SENP6: variants seen among roughly 807,000 people sequenced by gnomAD.
SENP6 encodes sentrin-specific protease 6.
Under a neutral mutation model 134.5 loss-of-function variants are expected in SENP6, and 41 were observed. The ratio of observed to expected loss-of-function variants is 0.30; its 90% CI spans 0.24 to 0.40. The LOEUF (loss-of-function observed/expected upper bound fraction) is 0.40. Among genes scored for constraint, SENP6 ranks in the 10% least tolerant of loss-of-function variants. The pLI, the probability that SENP6 is intolerant of heterozygous loss-of-function variation, is 1.00. For synonymous variants in SENP6, 395 were observed against 429.8 expected (o/e 0.92, Z 1.00); for missense variants, 1,248 against 1,312.5 (o/e 0.95, Z 0.76).
chr6:75,704,697 C>T (rs1340146076), intron 19 of SENP6, among the ~76,000 whole-genome samples: 1 of 152,164 alleles, frequency 6.6e-6, no homozygotes, highest in Non-Finnish European at 1.5e-5. Flanking sequence ...CCTTCCCGTC[C>T]CACGAGGCCA....
intron 18 of SENP6, among the ~76,000 whole-genome samples, chr6:75,701,630 A>T: frequency 7.7e-6 from 1 of 129,844 alleles, no homozygotes; most frequent in East Asian, 2.5e-4. Context: ...AAGACAGTTT[A>T]ATCTTTTTTT....
intron 1 of SENP6, among the ~76,000 whole-genome samples, chr6:75,619,568 A>G (rs1267880994): frequency 1.3e-5 from 2 of 152,128 alleles, no homozygotes; most frequent in African/African-American, 2.4e-5. Context: ...TAATGCTGCT[A>G]TGAACATTGG....
chr6:75,652,357 T>A (rs1770934582), intron 7 of SENP6, among the ~76,000 whole-genome samples: 1 of 151,860 alleles, frequency 6.6e-6, no homozygotes, highest in Admixed American at 6.6e-5. Context: ...TTTAAATAAA[T>A]GTGCAGTGGC....
rs897240000 is a variant in SENP6 at position 75,699,711 on chromosome 6, A to T, written c.2288+2194A>T. On this transcript the variant is annotated intron_variant, in intron 18 of 23. Coordinates refer to ENST00000447266, the MANE Select transcript of SENP6 (RefSeq NM_015571.4). ...TGCCATGCTGCCCAGTCTGGTCTCA[A>T]ACTCCAGAGCCGAAGCGGTCCACCT... Among the ~76,000 whole-genome samples, 24 of 151,904 alleles carry T rather than the reference A, an allele frequency of 1.6e-4. 1 individual carries two copies.
intron 7 of SENP6, among the ~76,000 whole-genome samples, chr6:75,654,136 A>G (rs1222698246): frequency 6.6e-6 from 1 of 152,140 alleles, no homozygotes; most frequent in East Asian, 1.9e-4. Context: ...AGGTGAGGGG[A>G]TCATTTGAGC....
chr6:75,635,937 G>T (rs1769477246), intron 5 of SENP6, among the ~76,000 whole-genome samples: 1 of 151,974 alleles, frequency 6.6e-6, no homozygotes, highest in African/African-American at 2.4e-5. Context: ...CAATTTAGGT[G>T]ATTCATTTAC....
chr6:75,621,430 A>T (rs1768259416), intron 1 of SENP6, 102 bp from the exon 2 acceptor site: 1 of 723,530 alleles, frequency 1.4e-6, no homozygotes, highest in South Asian at 1.9e-5. Flanking sequence ...ACCAAATTAA[A>T]ACAAAATCTA....
Position 75,661,275 on chromosome 6 carries a change from C to A in SENP6, c.696+1868C>A, listed in dbSNP as rs148566722. Among the ~76,000 whole-genome samples the A allele has an allele frequency of 7.2e-5, 11 of 152,300 alleles. No individual in the cohort carries two copies. In the East Asian group the frequency reaches 1.9e-3, roughly 27 times the overall value. ...ACTCCCATCACCCCTGGTGTATTTA[C>A]CTGTTAGCTTAGTTTTTCTTTATGT... On this transcript the variant is annotated intron_variant, in intron 8 of 23. Transcript: ENST00000447266.
At chr6:75,624,322 A>G (rs1478844670) in intron 3 of SENP6, among the ~76,000 whole-genome samples, 2 of 152,158 alleles carry the variant, frequency 1.3e-5, no homozygotes, top group Non-Finnish European at 2.9e-5. Context: ...AATTCCACCT[A>G]TTGATGGATA....
At chr6:75,670,741 TTACTA>T (rs766774008) in intron 11 of SENP6, 21 bp downstream of exon 11, 5 of 1,457,662 alleles carry the variant, frequency 3.4e-6, no homozygotes, top group Non-Finnish European at 3.7e-6. Flanking sequence ...CTTAAGCTCT[TTACTA>T]TACCAATTAT....
chr6:75,617,675 T>A (rs1370896269), intron 1 of SENP6, among the ~76,000 whole-genome samples: 1 of 152,176 alleles, frequency 6.6e-6, no homozygotes, highest in African/African-American at 2.4e-5. Flanking sequence ...AATTTAACAT[T>A]TGTGTGATAG....
intron 6 of SENP6, among the ~76,000 whole-genome samples, chr6:75,640,970 T>C (rs552009975): frequency 6.6e-6 from 1 of 152,312 alleles, no homozygotes; most frequent in South Asian, 2.1e-4. Flanking sequence ...TTGTCAGCAT[T>C]CAAAGTCCCT....
intron 4 of SENP6, 152 bp downstream of exon 4, chr6:75,633,878 G>T: frequency 1.9e-6 from 1 of 521,210 alleles, no homozygotes; most frequent in Non-Finnish European, 3.2e-6. Context: ...TGGATTCTTT[G>T]CTTTGAATCT....
chr6:75,604,665 C>T (rs1183677666), intron 1 of SENP6, among the ~76,000 whole-genome samples: 1 of 151,766 alleles, frequency 6.6e-6, no homozygotes, highest in Non-Finnish European at 1.5e-5. Flanking sequence ...ATTTTAGTTC[C>T]TCATAACCAA....
intron 7 of SENP6, among the ~76,000 whole-genome samples, chr6:75,654,300 C>T (rs1029447390): frequency 3.9e-5 from 6 of 152,102 alleles, no homozygotes; most frequent in Non-Finnish European, 8.8e-5. Flanking sequence ...CATACCAAGT[C>T]GAGGAGGAAA....
intron 1 of SENP6, among the ~76,000 whole-genome samples, chr6:75,605,308 A>G (rs1430737380): frequency 1.3e-5 from 2 of 152,202 alleles, no homozygotes; most frequent in Non-Finnish European, 2.9e-5. Context: ...GAAGTGCATA[A>G]GAGAGTCAAG....
rs1258224874 is a variant in SENP6, at chr6:75,640,717, T to C, written c.479+13T>C. 3.4e-6 allele frequency: 5 copies of C among 1,474,868 alleles called. No homozygotes were observed. Among genetic ancestry groups the C allele is most frequent in the Non-Finnish European group, 4.6e-6 (5 of 1,093,480 alleles). The allele number at this position is 1,474,868 out of a possible 1,614,324, so 91.4% of individuals were successfully genotyped here. On this transcript the variant is annotated intron_variant, in intron 6 of 23. Coordinates refer to ENST00000447266, the MANE Select transcript of SENP6 (RefSeq NM_015571.4). ...ACCGAAAAGAAAGGTAAGCTTAATA[T>C]TGAAGAAATTAGAGCATGGATATAG...
At chr6:75,705,128 A>G (rs552574813) in intron 19 of SENP6, among the ~76,000 whole-genome samples, 169 of 151,754 alleles carry the variant, frequency 1.1e-3, no homozygotes, top group African/African-American at 3.9e-3. Flanking sequence ...TTCATTCCTC[A>G]CTCTCCTTCA....
chr6:75,680,134 A>G (rs1027006824), intron 16 of SENP6, among the ~76,000 whole-genome samples: 5 of 152,222 alleles, frequency 3.3e-5, no homozygotes, highest in Admixed American at 2.0e-4. Flanking sequence ...ATTGTTTACT[A>G]TATAGAATTA....
Sources: allele counts gnomAD v4.1 joint callset (sites outside exome capture counted in the v4.1 genomes callset), GRCh38; gene constraint gnomAD v4.1.1; transcripts MANE v1.5; gene names NCBI Gene and HGNC (gene_info 2026-07-23, HGNC 2026-07-21).